The following PRP4K variants were observed in gnomAD, a reference collection of about 807,000 sequenced individuals.
The protein encoded by PRP4K is serine/threonine-protein kinase PRP4 homolog.
chr6:4,048,836 A>G, the PRP4K span, among the ~76,000 whole-genome samples: 1 of 151,054 alleles, frequency 6.6e-6, no homozygotes, highest in East Asian at 1.9e-4. Flanking sequence ...TTGAATCAAG[A>G]TACTTTGGTC....
chr6:4,064,013 C>T, the PRP4K span: 2 of 152,082 alleles, frequency 1.3e-5, no homozygotes, highest in African/African-American at 4.8e-5. Context: ...AAAGCATAGA[C>T]ATTTTTTACA....
At chr6:4,064,388 AAGC>A in the PRP4K span, 4 of 152,580 alleles carry the variant, frequency 2.6e-5, no homozygotes, top group African/African-American at 9.7e-5. Flanking sequence ...TATCATTTGT[AAGC>A]AGAACTCTAG....
chr6:4,021,876 C>T, the PRP4K span, among the ~76,000 whole-genome samples: 1 of 152,198 alleles, frequency 6.6e-6, no homozygotes, highest in East Asian at 1.9e-4. Context: ...GGGCCAAGCC[C>T]TAAGTCTTTT....
the PRP4K span, chr6:4,061,023 G>T: frequency 3.2e-5 from 7 of 219,378 alleles, no homozygotes. Context: ...AGGTGTGTGT[G>T]TGCAGGCCAC....
the PRP4K span, chr6:4,037,266 T>A: frequency 1.2e-6 from 1 of 868,830 alleles, no homozygotes; most frequent in Non-Finnish European, 1.6e-6. Context: ...TAAGTTTTGT[T>A]ACAAAACACA....
At chr6:4,064,437 CAAAG>C in the PRP4K span, 1 of 152,404 alleles carries the variant, frequency 6.6e-6, no homozygotes, top group Non-Finnish European at 1.5e-5. Context: ...TGAGATGAAA[CAAAG>C]GAATCAACAT....
At chr6:4,032,072 A>G in the PRP4K span, 1 of 1,613,964 alleles carries the variant, frequency 6.2e-7, no homozygotes, top group Non-Finnish European at 8.5e-7. Flanking sequence ...AACGAAGTAA[A>G]AGCAGATCCA....
At chr6:4,062,012 A>C in the PRP4K span, 3 of 152,612 alleles carry the variant, frequency 2.0e-5, no homozygotes, top group Non-Finnish European at 4.4e-5. The surrounding 1 kb of genome is among the most constrained non-coding windows in gnomAD (Gnocchi z 4.2). Flanking sequence ...TTTTTAATTG[A>C]AAGTATTATT....
chr6:4,033,082 G>A, the PRP4K span, among the ~76,000 whole-genome samples: 6 of 152,240 alleles, frequency 3.9e-5, no homozygotes, highest in East Asian at 1.9e-4. Context: ...CATTGGGGGC[G>A]TTTAGAGAGA....
At chr6:4,047,298 T>G in the PRP4K span, 5 of 1,371,732 alleles carry the variant, frequency 3.6e-6, no homozygotes, top group Non-Finnish European at 4.1e-6. Flanking sequence ...AACAAATATA[T>G]TGGTGCGTAT....
At chr6:4,052,252 TTTGTTGTTG>T in the PRP4K span, among the ~76,000 whole-genome samples, 12,608 of 151,692 alleles carry the variant, frequency 0.083, 596 homozygotes, top group Middle Eastern at 0.23. Flanking sequence ...ACAGCTAGTC[TTTGTTGTTG>T]TTGTTGTTGT....
At chr6:4,045,236 C>T in the PRP4K span, among the ~76,000 whole-genome samples, 1 of 152,152 alleles carries the variant, frequency 6.6e-6, no homozygotes, top group Admixed American at 6.5e-5. Context: ...ATCTAATTTT[C>T]ACTTGCCACA....
chr6:4,044,069 T>A, the PRP4K span: 1 of 1,548,934 alleles, frequency 6.5e-7, no homozygotes, highest in Non-Finnish European at 8.9e-7. Flanking sequence ...AATTGTTAGC[T>A]CTGTAACTTT....
chr6:4,036,726 A>C, the PRP4K span, among the ~76,000 whole-genome samples: 1 of 152,042 alleles, frequency 6.6e-6, no homozygotes, highest in Non-Finnish European at 1.5e-5. Context: ...ATGGTGGGTC[A>C]CACCTGTAAC....
At chr6:4,022,154 A>ATT in the PRP4K span, among the ~76,000 whole-genome samples, 47,126 of 92,076 alleles carry the variant, frequency 0.51, 13,121 homozygotes, top group Non-Finnish European at 0.61. Flanking sequence ...GAGGCCTGGC[A>ATT]TTTTTTTTTT....
chr6:4,044,737 A>T, the PRP4K span, among the ~76,000 whole-genome samples: 1 of 151,968 alleles, frequency 6.6e-6, no homozygotes, highest in Non-Finnish European at 1.5e-5. Flanking sequence ...TTTGTCTAAG[A>T]GGTTAGATAG....
At chr6:4,057,538 A>G in the PRP4K span, among the ~76,000 whole-genome samples, 1,914 of 152,362 alleles carry the variant, frequency 0.013, 39 homozygotes, top group African/African-American at 0.044. Context: ...GAGAATGAAT[A>G]GGTGAATATT....
At chr6:4,033,282 A>G in the PRP4K span, among the ~76,000 whole-genome samples, 19 of 152,366 alleles carry the variant, frequency 1.2e-4, no homozygotes, top group East Asian at 7.7e-4. Context: ...AAAATTTTGT[A>G]TTAATACATA....
the PRP4K span, among the ~76,000 whole-genome samples, chr6:4,055,611 G>A: frequency 1.3e-5 from 2 of 152,150 alleles, no homozygotes; most frequent in Non-Finnish European, 2.9e-5. Context: ...ACATGCCTCT[G>A]ACTCATGAGT....
Sources: gnomAD v4.1 joint callset for allele counts (sites outside exome capture counted in the v4.1 genomes callset) on GRCh38, gnomAD v4.1.1 for gene constraint, Gnocchi (gnomAD v3.1) non-coding constraint, MANE v1.5 for transcripts, NCBI Gene and HGNC (gene_info 2026-07-23, HGNC 2026-07-21) for gene names.